The following EXOSC10 variants were observed in gnomAD, a reference collection of about 807,000 sequenced individuals.
EXOSC10 encodes the protein exosome complex component 10.
EXOSC10 carries 94 observed loss-of-function variants against 126.6 expected under a neutral mutation model. That is an observed-to-expected ratio of 0.74 (90% CI 0.63 to 0.88). The LOEUF is 0.88. Among genes scored for constraint, EXOSC10 ranks in the 40% least tolerant of loss-of-function variants. The pLI is 0.00. For synonymous variants in EXOSC10, 395 were observed against 400.8 expected (o/e 0.99, Z 0.17); for missense variants, 1,041 against 1,100.5 (o/e 0.95, Z 0.77).
Position 11,081,087 on chromosome 1 carries a change from G to A in EXOSC10, c.1432C>T (p.Leu478Phe). 1.2e-6 allele frequency: 2 copies of A among 1,614,142 alleles called. No individual in the cohort carries two copies. The highest frequency in any genetic ancestry group is 1.7e-6 in the Non-Finnish European group (2 of 1,180,034). Residue 478 changes from leucine to phenylalanine, a missense_variant, in exon 11 of 25, where the codon CTC (leucine) becomes TTC (phenylalanine). Leu to Phe is a conservative substitution (Grantham distance 22). Around this residue, in one of 3 missense-constraint regions of EXOSC10, gnomAD observed 645 missense variants for 656.3 expected, o/e 0.98. Transcript: ENST00000376936. ...VVWQRSRDICLKKFIKPIFTD... is the reference protein window; with the variant it reads ...VVWQRSRDICFKKFIKPIFTD... ...TGACTGCGGCTGAGGTGTACCTTGA[G>A]GCAGATGTCCCTGCTCCGTTGCCAC...
rs56995108 is a variant in EXOSC10, at chr1:11,089,447, T to TA, written c.758+1106dup. 9.4e-3 allele frequency among the ~76,000 whole-genome samples: 1,262 copies of TA among 133,848 alleles called. 25 individuals carry two copies. The highest frequency in any genetic ancestry group is 0.031 in the African/African-American group (1,125 of 36,378). 87.8% of individuals were successfully genotyped at this position (133,848 alleles called of 152,430 possible). ...CAACATGATGAAACCCTGTCTCTAC[T>TA]AAAAAAAAAAAAGATACAAAATTAG... On this transcript the variant is annotated intron_variant, in intron 6 of 24. Coordinates refer to ENST00000376936, the MANE Select transcript of EXOSC10 (RefSeq NM_001001998.3).
At chr1:11,099,492 C>T (rs1454638105) in intron 1 of EXOSC10, among the ~76,000 whole-genome samples, 1 of 152,260 alleles carries the variant, frequency 6.6e-6, no homozygotes. Context: ...CGGCTTTCCA[C>T]ATTTGGGCCT....
intron 3 of EXOSC10, among the ~76,000 whole-genome samples, chr1:11,091,969 C>T (rs1319976497): frequency 2.0e-5 from 3 of 152,112 alleles, no homozygotes; most frequent in Non-Finnish European, 4.4e-5. Flanking sequence ...GGATTATAGG[C>T]GTGAGCCACC....
chr1:11,090,631 A>T lies in EXOSC10; in HGVS notation c.681T>A (p.Arg227=), dbSNP rs776137314. ...SKERRERPQD[R]PEDLDVPPAL... is the part of the protein sequence containing the mutation. ...CAGGGGGGACGTCCAAGTCCTCAGG[A>T]CGATCCTGTGGGCGTTCCCGCCTTT... Residue 227 remains arginine (R), a synonymous_variant, in exon 6 of 25, where the codon CGT becomes CGA. Coordinates refer to ENST00000376936, the MANE Select transcript of EXOSC10 (RefSeq NM_001001998.3). 5.0e-6 allele frequency: 8 copies of T among 1,613,514 alleles called. No individual in the cohort carries two copies. In the East Asian group the frequency reaches 1.8e-4, roughly 36 times the overall value.
rs371005817 is a variant in EXOSC10 at position 11,079,784 on chromosome 1, G to A, written c.1676C>T (p.Pro559Leu). The stretch of plus-strand genomic sequence containing the variant: ...GTTGATCTGCTGCCGCACAAGGGGC[G>A]GTACTGGGTTGCAGCAAGCTATGAT... ...QGIIACCNPV[P>L]PLVRQQINEM... Residue 559 changes from proline (P) to leucine (L), a missense_variant, in exon 14 of 25, where the codon CCG becomes CTG. Physicochemically the swap from Pro to Leu is moderately conservative, Grantham distance 98. Coordinates refer to ENST00000376936, the MANE Select transcript of EXOSC10 (RefSeq NM_001001998.3). The A allele has an allele frequency of 4.2e-5, 68 of 1,613,690 alleles. No homozygotes were observed. Among genetic ancestry groups the A allele is most frequent in the South Asian group, 9.9e-5 (9 of 90,936 alleles).
chr1:11,081,756 T>C lies in EXOSC10; in HGVS notation c.1281-518A>G, dbSNP rs900312904. Among the ~76,000 whole-genome samples the C allele has an allele frequency of 3.3e-4, 51 of 152,328 alleles. No individual in the cohort carries two copies. In the East Asian group the frequency reaches 3.5e-3, roughly 10 times the overall value. On this transcript the variant is annotated intron_variant, in intron 10 of 24. Transcript: ENST00000376936. ...TTATCTTTTATTTGGATTTTATCAG[T>C]CCAAATGTAATTTTACTTTTATATT...
chr1:11,067,735 C>A (rs1324182797), intron 24 of EXOSC10, among the ~76,000 whole-genome samples: 1 of 152,168 alleles, frequency 6.6e-6, no homozygotes, highest in Non-Finnish European at 1.5e-5. Flanking sequence ...CCTGAGGTGA[C>A]CCCAGGACAC....
At chr1:11,067,438 G>GAA (rs34154272) in intron 24 of EXOSC10, among the ~76,000 whole-genome samples, 4,673 of 129,398 alleles carry the variant, frequency 0.036, 206 homozygotes, top group African/African-American at 0.092. Context: ...TCTCAAAGAA[G>GAA]AAAAAAAAAA....
At chr1:11,096,140 GGTCT>G (rs902771070) in intron 2 of EXOSC10, among the ~76,000 whole-genome samples, 1 of 152,028 alleles carries the variant, frequency 6.6e-6, no homozygotes, top group African/African-American at 2.4e-5. Context: ...CATGCCAACA[GGTCT>G]GGTTAATTTT....
At chr1:11,094,949 C>T (rs376964536) in intron 3 of EXOSC10, among the ~76,000 whole-genome samples, 21 of 151,974 alleles carry the variant, frequency 1.4e-4, no homozygotes, top group South Asian at 2.1e-4. Context: ...AGGTGGCTCA[C>T]GCCTGTAATC....
chr1:11,081,310 T>C, intron 10 of EXOSC10, 72 bp from the exon 11 acceptor site: 1 of 1,559,536 alleles, frequency 6.4e-7, no homozygotes, highest in Non-Finnish European at 8.8e-7. Flanking sequence ...ATTCCTTGGG[T>C]GCTGGGACTT....
chr1:11,099,798 G>T lies in EXOSC10; in HGVS notation c.34C>A (p.Leu12Met). 1.9e-6 allele frequency: 3 copies of T among 1,611,954 alleles called. No homozygotes were observed. Among genetic ancestry groups the T allele is most frequent in the Non-Finnish European group, 2.5e-6 (3 of 1,179,024 alleles). Residue 12 changes from leucine to methionine, a missense_variant, in exon 1 of 25, where the codon CTG becomes ATG. Leu to Met is a conservative substitution (Grantham distance 15). Around this residue, in one of 3 missense-constraint regions of EXOSC10, gnomAD observed 645 missense variants for 656.3 expected, o/e 0.98. Coordinates refer to ENST00000376936, the MANE Select transcript of EXOSC10 (RefSeq NM_001001998.3). ...APPSTREPRV[L>M]SATSATKSDG... ...GATTTGGTTGCGCTGGTCGCCGACA[G>T]GACCCTGGGCTCCCGGGTACTGGGT...
intron 3 of EXOSC10, among the ~76,000 whole-genome samples, chr1:11,093,164 G>C (rs1386796190): frequency 6.6e-6 from 1 of 152,174 alleles, no homozygotes; most frequent in Non-Finnish European, 1.5e-5. Context: ...CTCAAAGGCA[G>C]GTAGGACAGT....
chr1:11,074,566 C>T (rs1329976454), intron 17 of EXOSC10, among the ~76,000 whole-genome samples: 1 of 152,044 alleles, frequency 6.6e-6, no homozygotes, highest in African/African-American at 2.4e-5. Context: ...GCACGTGCCA[C>T]CATGCCCAGC....
chr1:11,073,784 G>C (rs1557696282), intron 19 of EXOSC10, 150 bp downstream of exon 19: 1 of 624,500 alleles, frequency 1.6e-6, no homozygotes. Context: ...GGGAGGCTGA[G>C]GCAGAACTGC....
rs752618220 is a variant in EXOSC10, at chr1:11,091,042, T to C, written c.615A>G (p.Lys205=). Residue 205 remains lysine (K), a synonymous_variant, in exon 5 of 25, where the codon AAA becomes AAG. Coordinates refer to ENST00000376936, the MANE Select transcript of EXOSC10 (RefSeq NM_001001998.3). ...NTPFLPKIFI[K]PNAQKPLPQA... is the part of the protein sequence containing the mutation. Reference sequence around the variant, plus strand: ...GAGGGAGAGGTTTCTGAGCATTGGGTTTGATGAAGATTTTAGGAAGAAATG... The same window carrying C: ...GAGGGAGAGGTTTCTGAGCATTGGGCTTGATGAAGATTTTAGGAAGAAATG... The C allele has an allele frequency of 1.2e-6, 2 of 1,613,970 alleles. No individual in the cohort carries two copies. The highest frequency in any genetic ancestry group is 1.7e-6 in the Non-Finnish European group (2 of 1,180,014).
Position 11,091,532 on chromosome 1 carries a change from C to T in EXOSC10, c.438G>A (p.Leu146=). The part of the protein sequence containing the change: ...KNQQPVLPAG[L]QVPKTVVSSW... ...TGGACACTACCGTTTTGGGGACCTG[C>T]AAGCCGGCAGGGAGGACAGGCTGTT... Residue 146 remains leucine (L), a synonymous_variant, in exon 4 of 25, where the codon TTG becomes TTA. Transcript: ENST00000376936. 1 of 1,614,168 alleles carries T rather than the reference C, an allele frequency of 6.2e-7. No individual in the cohort carries two copies. Among genetic ancestry groups the T allele is most frequent in the Non-Finnish European group, 8.5e-7 (1 of 1,180,030 alleles).
chr1:11,086,915 A>G (rs938995764), intron 9 of EXOSC10, among the ~76,000 whole-genome samples: 2 of 152,168 alleles, frequency 1.3e-5, no homozygotes, highest in Non-Finnish European at 2.9e-5. Context: ...AAGAACTAGA[A>G]AAGCAAGAGC....
At position 11,073,958 on chromosome 1, in the gene EXOSC10, G is replaced by C; in HGVS notation, c.2133C>G (p.Phe711Leu). ...CTTCATAGATTTTGGTTGATGGATC[G>C]AACTTCGCTGCCTGAGAGACGGGAG... ...HRAPVSQAAK[F>L]DPSTKIYEIS... The change falls in exon 19 of 25, where the codon TTC becomes TTG. Residue 711 changes from phenylalanine (F) to leucine (L), a missense_variant. Around this residue, in one of 3 missense-constraint regions of EXOSC10, gnomAD observed 388 missense variants for 415.2 expected, o/e 0.93. Coordinates refer to ENST00000376936, the MANE Select transcript of EXOSC10 (RefSeq NM_001001998.3). 6.2e-7 allele frequency: 1 copy of C among 1,612,482 alleles called. No homozygotes were observed. Among genetic ancestry groups the C allele is most frequent in the Non-Finnish European group, 8.5e-7 (1 of 1,179,466 alleles).
Sources: gnomAD v4.1 joint callset for allele counts (sites outside exome capture counted in the v4.1 genomes callset) on GRCh38, gnomAD v4.1.1 for gene constraint, gnomAD v4.1.1 regional missense constraint, MANE v1.5 for transcripts, NCBI Gene and HGNC (gene_info 2026-07-23, HGNC 2026-07-21) for gene names.